LRRTM4: variants seen among roughly 807,000 people sequenced by gnomAD.
LRRTM4 encodes leucine-rich repeat transmembrane neuronal protein 4.
LRRTM4 carries 25 observed loss-of-function variants against 47.6 expected under a neutral mutation model. The ratio of observed to expected loss-of-function variants is 0.53; its 90% CI spans 0.38 to 0.73. The LOEUF (loss-of-function observed/expected upper bound fraction) is 0.73. Among genes scored for constraint, LRRTM4 ranks in the 30% least tolerant of loss-of-function variants. The probability of loss-of-function intolerance (pLI) is 0.00; values close to 1 mark genes in which losing one functional copy is unlikely to be tolerated. For synonymous variants in LRRTM4, 311 were observed against 269.5 expected (o/e 1.15, Z -1.51); for missense variants, 638 against 713.4 (o/e 0.89, Z 1.20).
intron 3 of LRRTM4, among the ~76,000 whole-genome samples, chr2:77,043,542 G>C (rs1360463916): frequency 6.6e-6 from 1 of 151,760 alleles, no homozygotes; most frequent in Non-Finnish European, 1.5e-5. Context: ...GTAGTCTACT[G>C]AAACTGAATT....
intron 3 of LRRTM4, among the ~76,000 whole-genome samples, chr2:77,104,727 C>T (rs561244105): frequency 6.6e-6 from 1 of 152,216 alleles, no homozygotes; most frequent in Admixed American, 6.5e-5. Flanking sequence ...TTGAGGACAC[C>T]CGCTGAAATC....
chr2:77,125,310 T>C (rs1572986107), intron 3 of LRRTM4, among the ~76,000 whole-genome samples: 1 of 152,182 alleles, frequency 6.6e-6, no homozygotes, highest in Non-Finnish European at 1.5e-5. Context: ...TCTATAATTG[T>C]ATATGACATC....
intron 3 of LRRTM4, among the ~76,000 whole-genome samples, chr2:77,226,179 A>T (rs932711395): frequency 6.6e-6 from 1 of 151,912 alleles, no homozygotes; most frequent in Non-Finnish European, 1.5e-5. Context: ...AACAATTACA[A>T]TTCCTCTATC....
At chr2:76,841,219 G>T (rs1207320983) in intron 3 of LRRTM4, among the ~76,000 whole-genome samples, 5 of 149,938 alleles carry the variant, frequency 3.3e-5, no homozygotes, top group African/African-American at 1.2e-4. Context: ...GGTGGGAATT[G>T]AACAATGAGA....
intron 3 of LRRTM4, among the ~76,000 whole-genome samples, chr2:77,427,629 G>T (rs1435915904): frequency 6.6e-6 from 1 of 152,120 alleles, no homozygotes; most frequent in African/African-American, 2.4e-5. Flanking sequence ...ATATAGTTGA[G>T]TTGTTGATTT....
intron 3 of LRRTM4, among the ~76,000 whole-genome samples, chr2:77,465,825 T>C (rs1406253820): frequency 1.3e-5 from 2 of 152,164 alleles, no homozygotes; most frequent in South Asian, 2.1e-4. Context: ...TTGAGCAACA[T>C]TTATTTGGTT....
In LRRTM4 at chr2:77,319,177, G is replaced by A. The variant is rs932132028; in HGVS notation, c.1551+199141C>T. On this transcript the variant is annotated intron_variant, in intron 3 of 3. Transcript: ENST00000409884. ...AGGCAGGCGGATCACTTGAGGTTGGGAGTTCCAAGACCAGCCTGGTCAAAA... is the reference window on the plus strand; with the variant it reads ...AGGCAGGCGGATCACTTGAGGTTGGAAGTTCCAAGACCAGCCTGGTCAAAA... Among the ~76,000 whole-genome samples the A allele has an allele frequency of 3.5e-4, 53 of 152,072 alleles. 2 individuals are homozygous for A. The highest frequency in any genetic ancestry group is 8.8e-5 in the Non-Finnish European group (6 of 68,020).
intron 3 of LRRTM4, among the ~76,000 whole-genome samples, chr2:76,805,597 T>C (rs187697606): frequency 2.9e-4 from 44 of 152,306 alleles, no homozygotes; most frequent in Non-Finnish European, 4.7e-4. Context: ...ATATACTTAA[T>C]TGAGTGTTCA....
intron 3 of LRRTM4, among the ~76,000 whole-genome samples, chr2:77,202,328 C>T (rs1673999567): frequency 6.6e-6 from 1 of 152,062 alleles, no homozygotes; most frequent in African/African-American, 2.4e-5. Flanking sequence ...AACCCAGACA[C>T]ATCAATCCGG....
intron 3 of LRRTM4, among the ~76,000 whole-genome samples, chr2:76,908,751 A>T (rs1324023889): frequency 4.6e-5 from 7 of 152,116 alleles, no homozygotes; most frequent in Non-Finnish European, 1.0e-4. Flanking sequence ...CAATTGCTTC[A>T]AAGAGAATAA....
intron 3 of LRRTM4, among the ~76,000 whole-genome samples, chr2:77,142,864 GAGTAAC>G (rs1422226825): frequency 1.3e-5 from 2 of 152,086 alleles, no homozygotes; most frequent in Non-Finnish European, 2.9e-5. Flanking sequence ...TAAGAAACCT[GAGTAAC>G]AGTGATGTAA....
intron 3 of LRRTM4, among the ~76,000 whole-genome samples, chr2:76,988,443 A>C (rs1022756400): frequency 1.3e-5 from 2 of 151,810 alleles, no homozygotes; most frequent in Admixed American, 6.6e-5. Context: ...TGTTCTCCAT[A>C]AAGTTGCCAT....
chr2:77,427,198 T>C (rs1410988474), intron 3 of LRRTM4, among the ~76,000 whole-genome samples: 2 of 152,084 alleles, frequency 1.3e-5, no homozygotes, highest in South Asian at 4.1e-4. Context: ...AGGATGGTCT[T>C]GATCTCTTGA....
intron 3 of LRRTM4, among the ~76,000 whole-genome samples, chr2:76,778,290 G>C (rs1674148870): frequency 6.9e-6 from 1 of 143,902 alleles, no homozygotes; most frequent in Non-Finnish European, 1.5e-5. Context: ...GAGTTAGGGA[G>C]GATTCCCTCT....
intron 3 of LRRTM4, among the ~76,000 whole-genome samples, chr2:76,755,388 A>G (rs1375386638): frequency 6.6e-6 from 1 of 152,144 alleles, no homozygotes; most frequent in Non-Finnish European, 1.5e-5. Flanking sequence ...TAAGATGGAA[A>G]TTTGAGTCCT....
At chr2:77,127,025 C>A (rs774633248) in intron 3 of LRRTM4, among the ~76,000 whole-genome samples, 1 of 152,010 alleles carries the variant, frequency 6.6e-6, no homozygotes, top group Non-Finnish European at 1.5e-5. Context: ...TGTACAAATA[C>A]TTCTCCCTCC....
intron 3 of LRRTM4, among the ~76,000 whole-genome samples, chr2:77,247,640 G>T (rs540210259): frequency 6.6e-6 from 1 of 152,128 alleles, no homozygotes; most frequent in Admixed American, 6.5e-5. Context: ...GCTCACCACA[G>T]CTCCCTGTGC....
chr2:77,346,383 A>G (rs1007276667), intron 3 of LRRTM4, among the ~76,000 whole-genome samples: 4 of 152,212 alleles, frequency 2.6e-5, no homozygotes, highest in Admixed American at 2.6e-4. Flanking sequence ...GTTTCATCTC[A>G]CTATCAATTA....
chr2:77,044,225 C>A (rs1412363081), intron 3 of LRRTM4, among the ~76,000 whole-genome samples: 2 of 151,694 alleles, frequency 1.3e-5, no homozygotes, highest in Non-Finnish European at 2.9e-5. Flanking sequence ...GTACCCTGAA[C>A]ACTTTAGAAT....
Sources: allele counts gnomAD v4.1 joint callset (sites outside exome capture counted in the v4.1 genomes callset), GRCh38; gene constraint gnomAD v4.1.1; transcripts MANE v1.5; gene names NCBI Gene and HGNC (gene_info 2026-07-23, HGNC 2026-07-21).